The following MUC4 variants were observed in gnomAD, a reference collection of about 807,000 sequenced individuals.
MUC4 encodes mucin 4, cell surface associated, also known as mucin-4.
In MUC4, 202 loss-of-function variants were observed where a neutral mutation model predicts 257.9. The observed-to-expected ratio is 0.78, with a 90% CI of 0.70 to 0.88. MUC4 has a LOEUF of 0.88. MUC4 is among the 40% of genes least tolerant of loss of function. MUC4 has a pLI of 0.00. For missense variants in MUC4, 5,976 were observed against 6,513.7 expected (o/e 0.92, Z 2.84); for synonymous variants, 2,351 against 2,757.1 (o/e 0.85, Z 4.62).
At chr3:195,763,098 T>C (rs1169664311) in intron 12 of MUC4, among the ~76,000 whole-genome samples, 153 bp from the exon 13 acceptor site, 1 of 152,230 alleles carries the variant, frequency 6.6e-6, no homozygotes, top group Non-Finnish European at 1.5e-5. Flanking sequence ...AGCCGCCGTC[T>C]ACCGTGTGCT....
chr3:195,761,738 C>G (rs999148773), intron 14 of MUC4, among the ~76,000 whole-genome samples, 153 bp from the exon 15 acceptor site: 6 of 152,206 alleles, frequency 3.9e-5, no homozygotes, highest in African/African-American at 1.4e-4. Context: ...GAGGACGGGC[C>G]CTCACACCCT....
chr3:195,753,129 T>A lies in MUC4; in HGVS notation c.15430A>T (p.Met5144Leu). The A allele has an allele frequency of 1.2e-6, 2 of 1,613,056 alleles. No homozygotes were observed. Among genetic ancestry groups the A allele is most frequent in the South Asian group, 2.2e-5 (2 of 90,930 alleles). The change falls in exon 20 of 25, where the codon ATG becomes TTG. Residue 5144 changes from methionine to leucine, a missense_variant. Met to Leu is a conservative substitution (Grantham distance 15). Coordinates refer to ENST00000463781, the MANE Select transcript of MUC4 (RefSeq NM_018406.7). ...YISQTLGCQPMCTCPPAFTDS... is the reference protein window; with the variant it reads ...YISQTLGCQPLCTCPPAFTDS... The stretch of plus-strand genomic sequence containing the variant: ...GTGAAGGCTGGGGGGCAGGTGCACA[T>A]GGGCTGACAGCCCAGAGTCTGGGAG...
Position 195,750,984 on chromosome 3 carries a change from G to A in MUC4, c.15776C>T (p.Ala5259Val), listed in dbSNP as rs530274858. 4.3e-6 allele frequency: 7 copies of A among 1,613,990 alleles called. No homozygotes were observed. The East Asian group carries it at 8.9e-5, about 21-fold the overall frequency. Residue 5259 changes from alanine (A) to valine (V), a missense_variant, in exon 23 of 25, where the codon GCG becomes GTG. Transcript: ENST00000463781. ...CCTCCGTGGAACGTGGTATAAGAAC[G>A]CCTCCACCACCGCGGCCAGCAGCTG... Reference protein sequence around the residue: ...NNQLLAAVVEAFLYHVPRRSE... With the variant: ...NNQLLAAVVEVFLYHVPRRSE...
In MUC4 at chr3:195,786,763, GGGCTGGTGA is replaced by G. The variant is rs1732257757; in HGVS notation, c.4808_4816del (p.Val1603_Pro1606delinsAla). Reference sequence around the variant, plus strand: ...GGTGTGACCTGTAGATGCTGAGGAAGGGCTGGTGACAGGAAGAGGGGTGGTGTCACCTTT... The same window carrying G: ...GGTGTGACCTGTAGATGCTGAGGAAGCAGGAAGAGGGGTGGTGTCACCTTT... On this transcript the variant is annotated inframe_deletion, in exon 2 of 25. Coordinates refer to ENST00000463781, the MANE Select transcript of MUC4 (RefSeq NM_018406.7). 1 of 1,480,834 alleles carries G rather than the reference GGGCTGGTGA, an allele frequency of 6.8e-7. No individual in the cohort carries two copies. The highest frequency in any genetic ancestry group is 1.5e-5 in the African/African-American group (1 of 65,416). 91.7% of individuals were successfully genotyped at this position (1,480,834 alleles called of 1,614,324 possible).
chr3:195,757,432 C>T lies in MUC4; in HGVS notation c.14987-104G>A. The T allele has an allele frequency of 9.6e-7, 1 of 1,041,736 alleles. No individual in the cohort carries two copies. The highest frequency in any genetic ancestry group is 1.4e-6 in the Non-Finnish European group (1 of 721,224). 64.5% of individuals were successfully genotyped at this position (1,041,736 alleles called of 1,614,324 possible). On this transcript the variant is annotated intron_variant, in intron 17 of 24. Transcript: ENST00000463781. This position sits in a 1 kb window ranked among gnomAD's most constrained non-coding sequence, Gnocchi z 4.8. The stretch of plus-strand genomic sequence containing the variant: ...CCCACCCCTCTCAGGCCACCCTCCC[C>T]CTCCCCAGACAAATCTCATTGGTCA...
chr3:195,754,770 C>CCATG (rs1425346470), intron 18 of MUC4, among the ~76,000 whole-genome samples: 1 of 152,086 alleles, frequency 6.6e-6, no homozygotes, highest in African/African-American at 2.4e-5. Flanking sequence ...ATGTATGTAT[C>CCATG]CATGTATGTA....
In MUC4 at chr3:195,765,142, A is replaced by G. The variant is rs371271101; in HGVS notation, c.13799-20T>C. 1.9e-6 allele frequency: 3 copies of G among 1,606,578 alleles called. No homozygotes were observed. Among genetic ancestry groups the G allele is most frequent in the Non-Finnish European group, 2.6e-6 (3 of 1,175,364 alleles). On this transcript the variant is annotated intron_variant, in intron 9 of 24. Coordinates refer to ENST00000463781, the MANE Select transcript of MUC4 (RefSeq NM_018406.7). Reference sequence around the variant, plus strand: ...AGCGACCTGAAACAAGTCCAGTCCCACTCAGGCCCAGGCTGGGGCTGCCAG... The same window carrying G: ...AGCGACCTGAAACAAGTCCAGTCCCGCTCAGGCCCAGGCTGGGGCTGCCAG...
chr3:195,783,520 G>C lies in MUC4; in HGVS notation c.8060C>G (p.Thr2687Ser). 3.5e-6 allele frequency: 2 copies of C among 575,364 alleles called. 1 individual carries two copies. Among genetic ancestry groups the C allele is most frequent in the Non-Finnish European group, 5.2e-6 (2 of 387,936 alleles). The allele number at this position is 575,364 out of a possible 1,614,324, so 35.6% of individuals were successfully genotyped here. A position where few individuals can be genotyped will look rare whatever the true frequency, so the allele number is the denominator to read the frequency against. Residue 2687 changes from threonine (T) to serine (S), a missense_variant, in exon 2 of 25, where the codon ACC (threonine) becomes AGC (serine). Thr to Ser is a moderately conservative substitution (Grantham distance 58). Around this residue, in one of 44 missense-constraint regions of MUC4, gnomAD observed 75 missense variants for 58.7 expected, o/e 1.28. Coordinates refer to ENST00000463781, the MANE Select transcript of MUC4 (RefSeq NM_018406.7). ...GGAAGTGTCGGTGACAGGAAGAGAG[G>C]TGGCATGACCGGTGGATGCTGAGGA... ...SPSSASTGHA[T>S]SLPVTDTSSA...
At position 195,789,125 on chromosome 3, in the gene MUC4, C is replaced by T. The variant is rs201298929; in HGVS notation, c.2455G>A (p.Glu819Lys). ...GTCTCTCCTGAGGTGGATATTCCTT[C>T]GCTTCCTGAAGGTGTTGTGCCACTC... Reference protein sequence around the residue: ...GASGTTPSGSEGISTSGETTR... With the variant: ...GASGTTPSGSKGISTSGETTR... Residue 819 changes from glutamate to lysine, a missense_variant, in exon 2 of 25, where the codon GAA (glutamate) becomes AAA (lysine). Glu to Lys is a moderately conservative substitution (Grantham distance 56). Coordinates refer to ENST00000463781, the MANE Select transcript of MUC4 (RefSeq NM_018406.7). 2,232 of 1,613,560 alleles carry T rather than the reference C, an allele frequency of 1.4e-3. 2 individuals are homozygous for T. Among genetic ancestry groups the T allele is most frequent in the Middle Eastern group, 2.3e-3 (14 of 6,058 alleles).
At chr3:195,793,734 G>T (rs1400123346) in intron 1 of MUC4, among the ~76,000 whole-genome samples, 2 of 152,170 alleles carry the variant, frequency 1.3e-5, no homozygotes, top group Non-Finnish European at 2.9e-5. Context: ...GAGGCAAACA[G>T]TACCCCTGCT....
rs1168843045 is a variant in MUC4 at position 195,781,204 on chromosome 3, A to T, written c.10376T>A (p.Val3459Asp). The T allele has an allele frequency of 5.7e-6, 8 of 1,410,134 alleles. No homozygotes were observed. Among genetic ancestry groups the T allele is most frequent in the East Asian group, 2.8e-5 (1 of 35,990 alleles). The allele number at this position is 1,410,134 out of a possible 1,614,324, so 87.4% of individuals were successfully genotyped here. A position where few individuals can be genotyped will look rare whatever the true frequency, so the allele number is the denominator to read the frequency against. The change falls in exon 2 of 25, where the codon GTC (valine) becomes GAC (aspartate). Residue 3459 changes from valine (V) to aspartate (D), a missense_variant. Val to Asp is a radical substitution (Grantham distance 152). Around this residue, in one of 44 missense-constraint regions of MUC4, gnomAD observed 297 missense variants for 240.9 expected, o/e 1.23. Coordinates refer to ENST00000463781, the MANE Select transcript of MUC4 (RefSeq NM_018406.7). ...ASTGHTTPLP[V>D]TDTSSASTGD... Reference sequence around the variant, plus strand: ...TGTGGATGCTGAGGAAGTGTCGGTGACAGGAAGAGGGGTGGTGTGACCTGT... The same window carrying T: ...TGTGGATGCTGAGGAAGTGTCGGTGTCAGGAAGAGGGGTGGTGTGACCTGT...
At position 195,786,096 on chromosome 3, in the gene MUC4, G is replaced by T. The variant is rs761957567; in HGVS notation, c.5484C>A (p.Thr1828=). The part of the protein sequence containing the change: ...STGDTTPLPV[T]DASSASTGDT... ...CACCTGTGGATGCTGAGGAAGCGTC[G>T]GTGACAGGAAGAGGGGTGGTGTCAC... is the stretch of plus-strand genomic sequence containing the variant. The change falls in exon 2 of 25, where the codon ACC becomes ACA. Residue 1828 remains threonine (T), a synonymous_variant. Transcript: ENST00000463781. 6.5e-7 allele frequency: 1 copy of T among 1,536,844 alleles called. No individual in the cohort carries two copies. Among genetic ancestry groups the T allele is most frequent in the East Asian group, 2.4e-5 (1 of 40,910 alleles).
At chr3:195,773,582 C>T (rs1337444733) in intron 4 of MUC4, among the ~76,000 whole-genome samples, 1 of 142,908 alleles carries the variant, frequency 7.0e-6, no homozygotes, top group Non-Finnish European at 1.6e-5. Flanking sequence ...GACACCCTCT[C>T]GCCATCGCTC....
rs879056262 is a variant in MUC4 at position 195,783,136 on chromosome 3, G to A, written c.8444C>T (p.Thr2815Ile). ...GGAAGCGTCGGTGACAGGAAGAGAG[G>A]TGGCGTGACCTGTGGACACTGACGA... ...DASSVSTGHA[T>I]SLPVTDASSV... The change falls in exon 2 of 25, where the codon ACC (threonine) becomes ATC (isoleucine). Residue 2815 changes from threonine to isoleucine, a missense_variant. Thr to Ile is a moderately conservative substitution (Grantham distance 89, BLOSUM62 -1). Around this residue, in one of 44 missense-constraint regions of MUC4, gnomAD observed 228 missense variants for 206.3 expected, o/e 1.11. Coordinates refer to ENST00000463781, the MANE Select transcript of MUC4 (RefSeq NM_018406.7). The A allele has an allele frequency of 1.5e-6, 2 of 1,325,108 alleles. No homozygotes were observed. Among genetic ancestry groups the A allele is most frequent in the Non-Finnish European group, 1.0e-6 (1 of 990,582 alleles). 82.1% of individuals were successfully genotyped at this position (1,325,108 alleles called of 1,614,324 possible).
At position 195,789,913 on chromosome 3, in the gene MUC4, G is replaced by T. The variant is rs200887189; in HGVS notation, c.1667C>A (p.Pro556Gln). ...TTYSSHSTTL[P>Q]KTTGAGAQTQ... ...CTGGGCGCCTGCCCCTGTTGTTTTT[G>T]GGAGAGTTGTGCTGTGGGAGGAGTA... The change falls in exon 2 of 25, where the codon CCA (proline) becomes CAA (glutamine). Residue 556 changes from proline to glutamine, a missense_variant. Pro to Gln is a moderately conservative substitution (Grantham distance 76). Around this residue, in one of 44 missense-constraint regions of MUC4, gnomAD observed 1,583 missense variants for 1,257.4 expected, o/e 1.26. Transcript: ENST00000463781. 1 of 1,613,828 alleles carries T rather than the reference G, an allele frequency of 6.2e-7. No homozygotes were observed. Among genetic ancestry groups the T allele is most frequent in the East Asian group, 2.2e-5 (1 of 44,856 alleles).
chr3:195,747,454 G>C (rs1715274296), intron 24 of MUC4, 74 bp from the exon 25 acceptor site: 2 of 1,503,118 alleles, frequency 1.3e-6, no homozygotes, highest in Admixed American at 1.8e-5. Flanking sequence ...TTCTGCTGGG[G>C]AAGAAGAGGT....
chr3:195,767,563 G>GCCACCACCACCA (rs1416736733), intron 7 of MUC4, among the ~76,000 whole-genome samples: 1 of 20,280 alleles, frequency 4.9e-5, no homozygotes, highest in East Asian at 3.3e-3. Context: ...CATTACCATT[G>GCCACCACCACCA]CCACCACCAT....
rs147148539 is a variant in MUC4 at position 195,804,134 on chromosome 3, G to A, written c.82+7602C>T. Among the ~76,000 whole-genome samples the A allele has an allele frequency of 1.8e-3, 270 of 152,320 alleles. 2 individuals are homozygous for A. Among genetic ancestry groups the A allele is most frequent in the African/African-American group, 5.9e-3 (247 of 41,566 alleles). On this transcript the variant is annotated intron_variant, in intron 1 of 24. Transcript: ENST00000463781. ...ATCCAGGGACGAGGAGGGCACTGGC[G>A]TTGGCACTGAGGTAGAGACGTTCCC...
chr3:195,767,561 TTGCCAC>T (rs1164815652), intron 7 of MUC4, among the ~76,000 whole-genome samples: 7 of 18,748 alleles, frequency 3.7e-4, no homozygotes, highest in African/African-American at 1.1e-3. Flanking sequence ...ACCATTACCA[TTGCCAC>T]CACCATCACC....
Sources: allele counts gnomAD v4.1 joint callset (sites outside exome capture counted in the v4.1 genomes callset), GRCh38; gene constraint gnomAD v4.1.1; regional missense constraint gnomAD v4.1.1; non-coding constraint Gnocchi (gnomAD v3.1); transcripts MANE v1.5; gene names NCBI Gene and HGNC (gene_info 2026-07-23, HGNC 2026-07-21).